ANAPC7: variants seen among roughly 807,000 people sequenced by gnomAD.
ANAPC7 encodes anaphase promoting complex subunit 7, also known as anaphase-promoting complex subunit 7.
A neutral mutation model predicts 63.3 loss-of-function variants in ANAPC7; 25 were observed. That is an observed-to-expected ratio of 0.39 (90% CI 0.29 to 0.55). ANAPC7 has a LOEUF of 0.55. Among genes scored for constraint, ANAPC7 ranks in the 20% least tolerant of loss-of-function variants. ANAPC7 has a pLI of 0.57. For synonymous variants in ANAPC7, 241 were observed against 251.7 expected, an observed-to-expected ratio of 0.96 and a Z score of 0.40; for missense variants, 516 against 691.7, an observed-to-expected ratio of 0.75 and a Z score of 2.85.
chr12:110,383,875 C>CAAAAAAAAAAAA (rs1159374781), intron 6 of ANAPC7, among the ~76,000 whole-genome samples: 196 of 50,378 alleles, frequency 3.9e-3, no homozygotes, highest in Admixed American at 5.3e-3. Flanking sequence ...GACTCCGTCT[C>CAAAAAAAAAAAA]AAAAAAAAAA....
intron 9 of ANAPC7, among the ~76,000 whole-genome samples, chr12:110,376,846 G>A (rs1881329392): frequency 6.6e-6 from 1 of 152,076 alleles, no homozygotes; most frequent in East Asian, 1.9e-4. Flanking sequence ...GCCGAGGCTG[G>A]GCACGGTGGC....
intron 2 of ANAPC7, among the ~76,000 whole-genome samples, chr12:110,395,817 C>T (rs1018883526): frequency 3.9e-5 from 6 of 151,920 alleles, no homozygotes; most frequent in African/African-American, 1.5e-4. Context: ...GGATTACAGG[C>T]GTGAGCCACT....
chr12:110,376,351 T>TA (rs1265667258), intron 9 of ANAPC7, 135 bp from the exon 10 acceptor site: 1 of 940,348 alleles, frequency 1.1e-6, no homozygotes, highest in Non-Finnish European at 1.5e-6. Context: ...CCTGAAGCCC[T>TA]ATTCAGTTAA....
At chr12:110,394,669 CAAAAAAAAAAAAA>C (rs779142936) in intron 3 of ANAPC7, among the ~76,000 whole-genome samples, 2 of 42,776 alleles carry the variant, frequency 4.7e-5, no homozygotes, top group East Asian at 1.0e-3. Context: ...AATTCCACCT[CAAAAAAAAAAAAA>C]AAAAAAAAAA....
At chr12:110,374,852 C>G (rs4131852) in intron 10 of ANAPC7, among the ~76,000 whole-genome samples, 19,523 of 152,080 alleles carry the variant, frequency 0.13, 1,737 homozygotes, top group African/African-American at 0.25. Context: ...AGGTCAGACC[C>G]CAGGACCCAA....
chr12:110,385,919 T>C (rs28482181), intron 6 of ANAPC7, among the ~76,000 whole-genome samples: 4,545 of 152,284 alleles, frequency 0.03, 80 homozygotes, highest in East Asian at 0.076. Flanking sequence ...TTACTGCCTT[T>C]AATCACCTTA....
intron 3 of ANAPC7, among the ~76,000 whole-genome samples, chr12:110,393,938 C>T (rs1486065230): frequency 1.3e-5 from 2 of 150,302 alleles, no homozygotes; most frequent in South Asian, 2.1e-4. Flanking sequence ...TTTGGGAGGC[C>T]GTGGCAGGCG....
chr12:110,388,745 A>G, intron 3 of ANAPC7, 122 bp from the exon 4 acceptor site: 1 of 709,866 alleles, frequency 1.4e-6, no homozygotes. Context: ...TCTACCCACA[A>G]CCCTGTGCAA....
At chr12:110,393,509 C>T (rs1883280407) in intron 3 of ANAPC7, among the ~76,000 whole-genome samples, 1 of 151,948 alleles carries the variant, frequency 6.6e-6, no homozygotes, top group Admixed American at 6.6e-5. Context: ...GGGAGGACAA[C>T]TTGAGCCCAG....
intron 1 of ANAPC7, among the ~76,000 whole-genome samples, chr12:110,402,752 T>C (rs1365580701): frequency 6.6e-6 from 1 of 152,090 alleles, no homozygotes; most frequent in African/African-American, 2.4e-5. Context: ...TTTCCTTTTT[T>C]TGAGACAGGC....
chr12:110,395,318 C>CA, intron 2 of ANAPC7, 98 bp from the exon 3 acceptor site: 1 of 988,614 alleles, frequency 1.0e-6, no homozygotes, highest in Non-Finnish European at 1.4e-6. Context: ...CCCAGCAATT[C>CA]TTTTTTTTTT....
chr12:110,396,191 T>C, intron 2 of ANAPC7, 75 bp downstream of exon 2: 2 of 1,385,980 alleles, frequency 1.4e-6, no homozygotes, highest in Non-Finnish European at 2.0e-6. Flanking sequence ...CACTGGGGCC[T>C]GGGGACCCTG....
Position 110,373,135 on chromosome 12 carries a change from G to T in ANAPC7, c.*1009C>A, listed in dbSNP as rs1402160769. 2 of 152,136 alleles carry T rather than the reference G, an allele frequency of 1.3e-5. No individual in the cohort carries two copies. Among genetic ancestry groups the T allele is most frequent in the South Asian group, 4.1e-4 (2 of 4,824 alleles). The allele number at this position is 152,136 out of a possible 1,614,324, so 9.4% of individuals were successfully genotyped here. ...AGGCACAAGGGAGAGGGTGTGGGAA[G>T]AAACTCCCAGCCCCAGAGCTCAGGG... On this transcript the variant is annotated 3_prime_UTR_variant, in exon 11 of 11. Coordinates refer to ENST00000455511, the MANE Select transcript of ANAPC7 (RefSeq NM_016238.3).
At chr12:110,397,639 T>C (rs921029440) in intron 1 of ANAPC7, among the ~76,000 whole-genome samples, 1 of 151,680 alleles carries the variant, frequency 6.6e-6, no homozygotes, top group Non-Finnish European at 1.5e-5. Context: ...GGCTCATGCC[T>C]GTAATCCCAG....
chr12:110,396,164 G>T, intron 2 of ANAPC7, 102 bp downstream of exon 2: 2 of 1,046,222 alleles, frequency 1.9e-6, no homozygotes, highest in Non-Finnish European at 2.8e-6. Context: ...GTGCAGCCTG[G>T]TTCCTAACAG....
chr12:110,379,702 T>C (rs922798877), intron 8 of ANAPC7, among the ~76,000 whole-genome samples: 2 of 152,216 alleles, frequency 1.3e-5, no homozygotes, highest in Admixed American at 1.3e-4. Context: ...CCAAATTTTA[T>C]TTCTCAAATT....
chr12:110,385,307 G>A lies in ANAPC7; in HGVS notation c.817+1020C>T, dbSNP rs113011403. Among the ~76,000 whole-genome samples the A allele has an allele frequency of 3.0e-3, 459 of 152,118 alleles. 2 individuals carry two copies. Among genetic ancestry groups the A allele is most frequent in the African/African-American group, 0.01 (416 of 41,524 alleles). On this transcript the variant is annotated intron_variant, in intron 6 of 10. Transcript: ENST00000455511. ...AAATCACTGCCTCTCCGCAGCCCCC[G>A]CTTTATTCTCACCCACATTCTATAA...
At chr12:110,386,584 C>A (rs1186182122) in intron 5 of ANAPC7, 115 bp from the exon 6 acceptor site, 2 of 1,035,886 alleles carry the variant, frequency 1.9e-6, no homozygotes, top group Non-Finnish European at 1.4e-6. Flanking sequence ...ATATAAAATT[C>A]TTCGTAATAA....
At position 110,390,244 on chromosome 12, in the gene ANAPC7, T is replaced by C. The variant is rs544881263; in HGVS notation, c.409-1621A>G. Among the ~76,000 whole-genome samples the C allele has an allele frequency of 3.5e-4, 53 of 152,070 alleles. 1 individual carries two copies. The highest frequency in any genetic ancestry group is 1.1e-3 in the African/African-American group (46 of 41,512). On this transcript the variant is annotated intron_variant, in intron 3 of 10. Transcript: ENST00000455511. ...CCACCACGCCCAGCTAATTTTTTTT[T>C]TGTATTTTAAGTAGAGATGGTGTTT...
Sources: gnomAD v4.1 joint callset for allele counts (sites outside exome capture counted in the v4.1 genomes callset) on GRCh38, gnomAD v4.1.1 for gene constraint, MANE v1.5 for transcripts, NCBI Gene and HGNC (gene_info 2026-07-23, HGNC 2026-07-21) for gene names.